Variants in SYN3 observed in about 807,000 individuals in gnomAD.
SYN3 encodes synapsin-3.
SYN3 carries 35 observed loss-of-function variants against 65.8 expected under a neutral mutation model. The observed-to-expected ratio is 0.53, with a 90% CI of 0.41 to 0.70. The LOEUF (loss-of-function observed/expected upper bound fraction) is 0.70. Among genes scored for constraint, SYN3 ranks in the 30% least tolerant of loss-of-function variants. The pLI is 0.00. For missense variants in SYN3, 680 were observed against 749.0 expected (o/e 0.91, Z 1.08); for synonymous variants, 270 against 292.9 (o/e 0.92, Z 0.80).
chr22:32,674,082 G>A (rs2060408429), intron 6 of SYN3, among the ~76,000 whole-genome samples: 1 of 152,116 alleles, frequency 6.6e-6, no homozygotes, highest in East Asian at 1.9e-4. Context: ...CAGGGGATGA[G>A]TGCTGGGCGG....
chr22:32,732,964 T>A (rs1182219142), intron 6 of SYN3, among the ~76,000 whole-genome samples: 26 of 152,158 alleles, frequency 1.7e-4, no homozygotes. Context: ...TCAGAGAGGT[T>A]AAAAAAATTG....
intron 6 of SYN3, among the ~76,000 whole-genome samples, chr22:32,610,287 C>G (rs1023592948): frequency 3.3e-5 from 5 of 151,642 alleles, no homozygotes; most frequent in Non-Finnish European, 7.4e-5. Context: ...TCCCCCTGCC[C>G]CCCCCAAAAA....
intron 9 of SYN3, among the ~76,000 whole-genome samples, chr22:32,534,702 A>C (rs1447633581): frequency 4.0e-5 from 6 of 151,542 alleles, no homozygotes; most frequent in Admixed American, 1.3e-4. Flanking sequence ...CTTGCTTCTC[A>C]CTCTCCAGGG....
Position 32,854,931 on chromosome 22 carries a change from C to T in SYN3, c.711+9984G>A, listed in dbSNP as rs1431253238. Among the ~76,000 whole-genome samples the T allele has an allele frequency of 2.0e-5, 3 of 152,144 alleles. No individual in the cohort carries two copies. The East Asian group carries it at 5.8e-4, about 29-fold the overall frequency. ...TATGAAGGTCTTGTGGACCACCTAC[C>T]CCCGCCAACCAGTCACCACTTAAAA... On this transcript the variant is annotated intron_variant, in intron 6 of 13. Coordinates refer to ENST00000358763, the MANE Select transcript of SYN3 (RefSeq NM_003490.4).
intron 6 of SYN3, among the ~76,000 whole-genome samples, chr22:32,701,258 G>A (rs2060806646): frequency 6.6e-6 from 1 of 152,148 alleles, no homozygotes; most frequent in South Asian, 2.1e-4. Context: ...ATAATTAGCT[G>A]TTACAGAAAC....
chr22:32,688,382 A>G (rs1345474631), intron 6 of SYN3, among the ~76,000 whole-genome samples: 1 of 152,170 alleles, frequency 6.6e-6, no homozygotes, highest in African/African-American at 2.4e-5. Flanking sequence ...GTCAACATAT[A>G]TATTTTTCAG....
intron 3 of SYN3, among the ~76,000 whole-genome samples, chr22:32,956,066 TCTC>T (rs1475452699): frequency 1.1e-5 from 1 of 87,010 alleles, no homozygotes; most frequent in Non-Finnish European, 2.3e-5. Flanking sequence ...ATATATAAAA[TCTC>T]CTATTAGTTC....
intron 6 of SYN3, among the ~76,000 whole-genome samples, chr22:32,788,540 C>CAA (rs539407036): frequency 1.3e-4 from 18 of 142,826 alleles, no homozygotes; most frequent in Admixed American, 2.8e-4. Flanking sequence ...GACTCCATCT[C>CAA]AAAAAAAAAA....
chr22:32,850,816 C>T (rs2048197216), intron 6 of SYN3, among the ~76,000 whole-genome samples: 1 of 152,164 alleles, frequency 6.6e-6, no homozygotes, highest in Non-Finnish European at 1.5e-5. Flanking sequence ...CCTGGAAACT[C>T]CCCAGAGGAG....
chr22:32,521,468 G>A lies in SYN3; in HGVS notation c.1319-3134C>T, dbSNP rs556152576. Among the ~76,000 whole-genome samples the A allele has an allele frequency of 9.4e-4, 114 of 120,872 alleles. No homozygotes were observed. In the Middle Eastern group the frequency reaches 0.032, roughly 34 times the overall value. 79.3% of individuals were successfully genotyped at this position (120,872 alleles called of 152,430 possible). A position where few individuals can be genotyped will look rare whatever the true frequency, so the allele number is the denominator to read the frequency against. ...TTTTTTTTTTTTTTTTTTTTGAGAC[G>A]GAGTCTTGCACTATTATCCGGGCTA... On this transcript the variant is annotated intron_variant, in intron 12 of 13. Transcript: ENST00000358763.
In SYN3 at chr22:32,569,543, C is replaced by CAA. The variant is rs1277084902; in HGVS notation, c.774+27130_774+27131insTT. On this transcript the variant is annotated intron_variant, in intron 7 of 13. Coordinates refer to ENST00000358763, the MANE Select transcript of SYN3 (RefSeq NM_003490.4). ...ATCTATCTAAAATCAATCAATCTCT[C>CAA]TCTCTCTCTCTCTCTCTCTCTCTCT... Among the ~76,000 whole-genome samples the CAA allele has an allele frequency of 1.7e-3, 82 of 47,840 alleles. 1 individual carries two copies. Among genetic ancestry groups the CAA allele is most frequent in the African/African-American group, 0.014 (82 of 5,996 alleles). 31.4% of individuals were successfully genotyped at this position (47,840 alleles called of 152,430 possible).
intron 6 of SYN3, among the ~76,000 whole-genome samples, chr22:32,831,499 TG>T (rs1300388395): frequency 2.0e-5 from 3 of 152,034 alleles, no homozygotes; most frequent in Non-Finnish European, 4.4e-5. Context: ...ACTTGATATG[TG>T]GGGGTCGGAG....
At chr22:32,847,698 T>C (rs183726795) in intron 6 of SYN3, among the ~76,000 whole-genome samples, 3 of 152,292 alleles carry the variant, frequency 2.0e-5, no homozygotes, top group Admixed American at 2.0e-4. Context: ...TGTGTGTGTG[T>C]GTGTTTGTGT....
In SYN3 at chr22:33,030,730, C is replaced by A. The variant is rs189874373; in HGVS notation, c.-162-23906G>T. Among the ~76,000 whole-genome samples, 45 of 151,042 alleles carry A rather than the reference C, an allele frequency of 3.0e-4. 1 individual carries two copies. In the East Asian group the frequency reaches 6.1e-3, roughly 20 times the overall value. On this transcript the variant is annotated intron_variant, in intron 1 of 13. Transcript: ENST00000358763. ...AGAGACCCACAGAGAAACAGATACA[C>A]AGAGACTGAGATAGAGACAGAGACA... is the stretch of plus-strand genomic sequence containing the variant.
chr22:32,733,991 G>A (rs1043270923), intron 6 of SYN3, among the ~76,000 whole-genome samples: 1 of 152,082 alleles, frequency 6.6e-6, no homozygotes, highest in African/African-American at 2.4e-5. Context: ...CAAGCAAAGA[G>A]CCAAGACTCT....
intron 6 of SYN3, among the ~76,000 whole-genome samples, chr22:32,814,260 A>AGAGG (rs1299995088): frequency 1.5e-5 from 2 of 137,286 alleles, no homozygotes; most frequent in Non-Finnish European, 3.1e-5. Context: ...AAAGAAAGAA[A>AGAGG]GAGGGAGGGA....
chr22:32,672,970 C>A (rs2060391724), intron 6 of SYN3, among the ~76,000 whole-genome samples: 2 of 152,208 alleles, frequency 1.3e-5, no homozygotes, highest in South Asian at 2.1e-4. Context: ...CCAGGGCTGG[C>A]ACCTGGTTAG....
chr22:32,650,209 T>TTTTCTTTTTCTTTCTTTCTTTC (rs1290283709), intron 6 of SYN3, among the ~76,000 whole-genome samples: 13 of 138,270 alleles, frequency 9.4e-5, no homozygotes, highest in Middle Eastern at 3.5e-3. Context: ...CTCTTTACAC[T>TTTTCTTTTTCTTTCTTTCTTTC]TTTCTTTCTC....
intron 6 of SYN3, among the ~76,000 whole-genome samples, chr22:32,703,529 C>G (rs148792162): frequency 2.5e-4 from 38 of 151,550 alleles, no homozygotes; most frequent in Admixed American, 7.9e-4. Context: ...CTCAGCTACT[C>G]GGGAGGCTGA....
Sources: gnomAD v4.1 joint callset for allele counts (sites outside exome capture counted in the v4.1 genomes callset) on GRCh38, gnomAD v4.1.1 for gene constraint, MANE v1.5 for transcripts, NCBI Gene and HGNC (gene_info 2026-07-23, HGNC 2026-07-21) for gene names.